The following GANC variants were observed in gnomAD, a reference collection of about 807,000 sequenced individuals.
GANC encodes neutral alpha-glucosidase C.
In GANC, 117 loss-of-function variants were observed where a neutral mutation model predicts 124.2. That is an observed-to-expected ratio of 0.94 (90% CI 0.81 to 1.10). The LOEUF (loss-of-function observed/expected upper bound fraction) is 1.10. GANC is among the 50% of genes least tolerant of loss of function. The pLI is 0.00. For missense variants in GANC, 1,140 were observed against 1,095.0 expected, an observed-to-expected ratio of 1.04 and a Z score of -0.58; for synonymous variants, 377 against 376.8, an observed-to-expected ratio of 1.00 and a Z score of -0.01.
rs147557698 is a variant in GANC at position 42,352,914 on chromosome 15, C to T, written c.*775C>T. The T allele has an allele frequency of 1.3e-5, 6 of 459,780 alleles. No homozygotes were observed. Among genetic ancestry groups the T allele is most frequent in the African/African-American group, 1.3e-4 (6 of 46,938 alleles). The allele number at this position is 459,780 out of a possible 1,614,324, so 28.5% of individuals were successfully genotyped here. ...ACTCATGACTGGGACTAGGATGAGG[C>T]AAGGGAGACCCTGGCCTTGGGCACA... On this transcript the variant is annotated 3_prime_UTR_variant, in exon 24 of 24. Transcript: ENST00000318010.
At chr15:42,309,051 A>C (rs1180871527) in intron 8 of GANC, among the ~76,000 whole-genome samples, 1 of 152,214 alleles carries the variant, frequency 6.6e-6, no homozygotes, top group Non-Finnish European at 1.5e-5. Flanking sequence ...GTGGTATCTC[A>C]TATCACCTTT....
chr15:42,279,191 A>G (rs919265451), intron 3 of GANC, among the ~76,000 whole-genome samples: 3 of 152,162 alleles, frequency 2.0e-5, no homozygotes, highest in Non-Finnish European at 4.4e-5. Flanking sequence ...CCCAATTTTC[A>G]GATAAGGAAA....
In GANC at chr15:42,353,012, GAATT is replaced by G. The variant is rs1172465154; in HGVS notation, c.*877_*880del. On this transcript the variant is annotated 3_prime_UTR_variant, in exon 24 of 24. Transcript: ENST00000318010. ...TTCAATCCAATATTTTTAAAAATCA[GAATT>G]AATGCAAAAAAAACCATGATGAACA... 6.7e-6 allele frequency: 5 copies of G among 743,494 alleles called. No homozygotes were observed. The highest frequency in any genetic ancestry group is 2.6e-4 in the East Asian group (2 of 7,704). 46.1% of individuals were successfully genotyped at this position (743,494 alleles called of 1,614,324 possible). A position where few individuals can be genotyped will look rare whatever the true frequency, so the allele number is the denominator to read the frequency against.
intron 4 of GANC, among the ~76,000 whole-genome samples, chr15:42,290,395 C>T (rs1490626368): frequency 2.6e-5 from 4 of 152,212 alleles, no homozygotes; most frequent in Admixed American, 1.3e-4. Context: ...GTCCTCATAT[C>T]TTCTGTAGCT....
Position 42,351,243 on chromosome 15 carries a change from G to C in GANC, c.2532-86G>C, listed in dbSNP as rs1027691244. 2.1e-5 allele frequency: 18 copies of C among 862,948 alleles called. No individual in the cohort carries two copies. The Middle Eastern group carries it at 2.9e-3, about 139-fold the overall frequency. The allele number at this position is 862,948 out of a possible 1,614,324, so 53.5% of individuals were successfully genotyped here. A position where few individuals can be genotyped will look rare whatever the true frequency, so the allele number is the denominator to read the frequency against. On this transcript the variant is annotated intron_variant, in intron 22 of 23. Coordinates refer to ENST00000318010, the MANE Select transcript of GANC (RefSeq NM_198141.3). ...ATGCCTCCAAGGGACAGATGGGAGA[G>C]GAACTCACAAGGCTGGAGATGTTGA...
rs2052450117 is a variant in GANC at position 42,352,150 on chromosome 15, C to T, written c.*11C>T. On this transcript the variant is annotated 3_prime_UTR_variant, in exon 24 of 24. Transcript: ENST00000318010. ...GTCCGCATCATATGACAAAGAACTG[C>T]CCCTGGTGATGTGAGCAGGGACCTG... 1 of 1,614,036 alleles carries T rather than the reference C, an allele frequency of 6.2e-7. No individual in the cohort carries two copies. Among genetic ancestry groups the T allele is most frequent in the Non-Finnish European group, 8.5e-7 (1 of 1,179,940 alleles).
intron 17 of GANC, 49 bp from the exon 18 acceptor site, chr15:42,340,641 C>A: frequency 1.6e-6 from 2 of 1,290,010 alleles, no homozygotes; most frequent in Non-Finnish European, 2.2e-6. Context: ...TGATTGATTG[C>A]AATAAGATGT....
rs752747105 is a variant in GANC, at chr15:42,338,506, T to G, written c.1843+16T>G. On this transcript the variant is annotated intron_variant, in intron 16 of 23. Transcript: ENST00000318010. ...TTTTGCGGAGGTAAGATGAGTCCTT[T>G]GAGGCTTGAAGTGCAAGGAAATAAA... is the stretch of plus-strand genomic sequence containing the variant. 1 of 1,556,214 alleles carries G rather than the reference T, an allele frequency of 6.4e-7. No homozygotes were observed. Among genetic ancestry groups the G allele is most frequent in the South Asian group, 1.1e-5 (1 of 89,912 alleles).
chr15:42,308,835 A>G (rs2052023522), intron 8 of GANC, among the ~76,000 whole-genome samples: 1 of 152,138 alleles, frequency 6.6e-6, no homozygotes, highest in Admixed American at 6.5e-5. Flanking sequence ...ATAACTGTAA[A>G]AACTATAATA....
In GANC at chr15:42,353,655, C is replaced by G. The variant is rs1478191604; in HGVS notation, c.*1516C>G. ...GTGGATTTAATTGATTAAAAAATTA[C>G]GATTGAATGTATTTCCATCTGATTT... On this transcript the variant is annotated 3_prime_UTR_variant, in exon 24 of 24. Transcript: ENST00000318010. 6.1e-6 allele frequency: 6 copies of G among 985,156 alleles called. No individual in the cohort carries two copies. The highest frequency in any genetic ancestry group is 6.0e-6 in the Non-Finnish European group (5 of 829,626). The allele number at this position is 985,156 out of a possible 1,614,324, so 61.0% of individuals were successfully genotyped here.
chr15:42,297,751 T>A, intron 6 of GANC, 95 bp downstream of exon 6: 1 of 842,238 alleles, frequency 1.2e-6, no homozygotes, highest in Non-Finnish European at 1.8e-6. Context: ...TACAGAAGGG[T>A]GCTTGTTAAA....
chr15:42,284,236 A>G (rs2051763885), intron 3 of GANC: 5 of 557,750 alleles, frequency 9.0e-6, no homozygotes, highest in South Asian at 7.0e-5. Flanking sequence ...TGTTAATTCT[A>G]TTATGGTCTT....
chr15:42,277,915 G>GAA lies in GANC; in HGVS notation c.93-546_93-545dup, dbSNP rs59950616. The GAA allele has an allele frequency of 2.4e-3, 198 of 83,846 alleles. 6 individuals carry two copies. The highest frequency in any genetic ancestry group is 7.5e-3 in the African/African-American group (174 of 23,244). The allele number at this position is 83,846 out of a possible 1,614,324, so 5.2% of individuals were successfully genotyped here. ...CCACGCCTGGCCATAATGTTCATTT[G>GAA]AAAAAAAAAAAAAAAAAAAAAACAG... On this transcript the variant is annotated intron_variant, in intron 2 of 23. Coordinates refer to ENST00000318010, the MANE Select transcript of GANC (RefSeq NM_198141.3).
chr15:42,329,948 A>G (rs181022874), intron 14 of GANC, among the ~76,000 whole-genome samples: 273 of 152,376 alleles, frequency 1.8e-3, no homozygotes, highest in Non-Finnish European at 3.0e-3. Flanking sequence ...TCCTCAATAA[A>G]GGTGGTAAAA....
At chr15:42,345,608 C>T (rs750159234) in intron 19 of GANC, 150 bp from the exon 20 acceptor site, 141 of 578,590 alleles carry the variant, frequency 2.4e-4, no homozygotes, top group Non-Finnish European at 3.8e-4. Context: ...ACGTATTCTT[C>T]CTAACTTCTA....
At chr15:42,292,699 A>G (rs1257127566) in intron 4 of GANC, 36 bp from the exon 5 acceptor site, 1 of 1,600,440 alleles carries the variant, frequency 6.2e-7, no homozygotes, top group Non-Finnish European at 8.6e-7. Flanking sequence ...GTAAACCTAT[A>G]GCAGCTTGTT....
rs746123321 is a variant in GANC at position 42,306,594 on chromosome 15, G to A, written c.607G>A (p.Val203Met). 3.1e-6 allele frequency: 5 copies of A among 1,612,388 alleles called. No individual in the cohort carries two copies. Among genetic ancestry groups the A allele is most frequent in the Admixed American group, 3.3e-5 (2 of 59,892 alleles). ...GLWEEKFGKF[V>M]DIKANGPSSI... ...GTGGGAAGAGAAATTTGGAAAATTT[G>A]TGGATATCAAAGCTAATGGTAAAAT... The change falls in exon 7 of 24, where the codon GTG becomes ATG. Residue 203 changes from valine to methionine, a missense_variant. By Grantham distance (21) the Val-to-Met change is conservative. Coordinates refer to ENST00000318010, the MANE Select transcript of GANC (RefSeq NM_198141.3).
At position 42,334,529 on chromosome 15, in the gene GANC, A is replaced by G. The variant is rs1163993861; in HGVS notation, c.1741+3857A>G. 3.3e-5 allele frequency among the ~76,000 whole-genome samples: 5 copies of G among 152,220 alleles called. No homozygotes were observed. The East Asian group carries it at 7.7e-4, about 23-fold the overall frequency. ...AGAAAGAACACAAAAAGCATGAATCATAAAAGAAAAAAATGACAAATTAGA... is the reference window on the plus strand; with the variant it reads ...AGAAAGAACACAAAAAGCATGAATCGTAAAAGAAAAAAATGACAAATTAGA... On this transcript the variant is annotated intron_variant, in intron 15 of 23. Coordinates refer to ENST00000318010, the MANE Select transcript of GANC (RefSeq NM_198141.3).
chr15:42,295,682 A>T (rs1035675226), intron 5 of GANC, among the ~76,000 whole-genome samples: 1 of 121,514 alleles, frequency 8.2e-6, no homozygotes, highest in Non-Finnish European at 1.9e-5. Context: ...ACACACACAC[A>T]CACACAGCGT....
Sources: allele counts gnomAD v4.1 joint callset (sites outside exome capture counted in the v4.1 genomes callset), GRCh38; gene constraint gnomAD v4.1.1; transcripts MANE v1.5; gene names NCBI Gene and HGNC (gene_info 2026-07-23, HGNC 2026-07-21).